Variants in PXDNL observed in about 807,000 individuals in gnomAD.
The protein encoded by PXDNL is peroxidasin like.
In PXDNL, 145 loss-of-function variants were observed where a neutral mutation model predicts 150.8. That is an observed-to-expected ratio of 0.96 (90% confidence interval 0.84 to 1.10). The LOEUF is 1.10. Among genes scored for constraint, PXDNL ranks in the 50% least tolerant of loss-of-function variants. PXDNL has a pLI of 0.00. For synonymous variants in PXDNL, 757 were observed against 725.7 expected (o/e 1.04, Z -0.69); for missense variants, 2,087 against 1,873.9 (o/e 1.11, Z -2.10).
chr8:51,652,459 ACAAACAC>A (rs1563496487), intron 2 of PXDNL, among the ~76,000 whole-genome samples: 1 of 149,714 alleles, frequency 6.7e-6, no homozygotes, highest in African/African-American at 2.5e-5. Context: ...ACACACACAC[ACAAACAC>A]ACACACACAC....
At chr8:51,538,122 A>G (rs187336178) in intron 4 of PXDNL, among the ~76,000 whole-genome samples, 3 of 152,346 alleles carry the variant, frequency 2.0e-5, no homozygotes, top group Admixed American at 6.5e-5. Flanking sequence ...TGAAATTGCA[A>G]TGCCCAAAAC....
At chr8:51,742,505 T>C (rs935068426) in intron 1 of PXDNL, among the ~76,000 whole-genome samples, 3 of 151,984 alleles carry the variant, frequency 2.0e-5, no homozygotes, top group Non-Finnish European at 4.4e-5. Context: ...GGATACCGAG[T>C]GACTGGTATA....
At chr8:51,561,476 A>G (rs1316922286) in intron 3 of PXDNL, among the ~76,000 whole-genome samples, 1 of 151,972 alleles carries the variant, frequency 6.6e-6, no homozygotes, top group Non-Finnish European at 1.5e-5. Flanking sequence ...GTTCAAGACC[A>G]GTCTGGAAAG....
At chr8:51,593,273 G>A (rs530979686) in intron 2 of PXDNL, among the ~76,000 whole-genome samples, 9 of 152,270 alleles carry the variant, frequency 5.9e-5, no homozygotes, top group South Asian at 2.1e-4. Context: ...AATTTGAACC[G>A]TAAAACAAGT....
chr8:51,542,574 C>T (rs1254187826), intron 4 of PXDNL, among the ~76,000 whole-genome samples: 7 of 151,236 alleles, frequency 4.6e-5, no homozygotes, highest in African/African-American at 1.5e-4. Context: ...TTTTGGAGGC[C>T]GAAGCAGATG....
chr8:51,509,187 T>A (rs1319655346), intron 4 of PXDNL, among the ~76,000 whole-genome samples: 2 of 152,188 alleles, frequency 1.3e-5, no homozygotes, highest in East Asian at 3.9e-4. Context: ...GTTAATTAGC[T>A]TGACTTGGCC....
At chr8:51,407,961 C>T (rs938929961) in intron 17 of PXDNL, 106 bp downstream of exon 17, 1 of 896,252 alleles carries the variant, frequency 1.1e-6, no homozygotes, top group African/African-American at 1.7e-5. Context: ...GTACTAAAAG[C>T]TCTGCAGCAC....
At chr8:51,371,450 T>A (rs990353647) in intron 19 of PXDNL, among the ~76,000 whole-genome samples, 32 of 152,202 alleles carry the variant, frequency 2.1e-4, no homozygotes, top group African/African-American at 7.7e-4. Context: ...TCCTTGTACT[T>A]CCAATGAGCA....
chr8:51,754,773 G>A (rs1053209113), intron 1 of PXDNL, among the ~76,000 whole-genome samples: 2 of 152,130 alleles, frequency 1.3e-5, no homozygotes, highest in African/African-American at 2.4e-5. Flanking sequence ...AAAGTGCTGG[G>A]ATTACAGGCA....
Position 51,463,794 on chromosome 8 carries a change from A to G in PXDNL, c.813-6127T>C, listed in dbSNP as rs1314954964. On this transcript the variant is annotated intron_variant, in intron 8 of 22. Coordinates refer to ENST00000356297, the MANE Select transcript of PXDNL (RefSeq NM_144651.5). ...GTAATAAAAATAAAAAATGAATACCAAGAATATCTCTCAAAATACGGAAAT... is the reference window on the plus strand; with the variant it reads ...GTAATAAAAATAAAAAATGAATACCGAGAATATCTCTCAAAATACGGAAAT... 2.0e-5 allele frequency among the ~76,000 whole-genome samples: 3 copies of G among 152,204 alleles called. No homozygotes were observed. In the East Asian group the frequency reaches 5.8e-4, roughly 29 times the overall value.
At chr8:51,799,215 A>C (rs13268128) in intron 1 of PXDNL, among the ~76,000 whole-genome samples, 108,291 of 151,976 alleles carry the variant, frequency 0.71, 43,483 homozygotes, top group Non-Finnish European at 0.9. Context: ...AGGAGGAGAA[A>C]AACACACACA....
chr8:51,569,467 TAA>T (rs1167244314), intron 3 of PXDNL, among the ~76,000 whole-genome samples: 3 of 151,900 alleles, frequency 2.0e-5, no homozygotes, highest in Non-Finnish European at 4.4e-5. Context: ...CATACAGAGA[TAA>T]ACACACATGA....
intron 19 of PXDNL, among the ~76,000 whole-genome samples, chr8:51,360,042 C>CAAA (rs1366137848): frequency 9.3e-5 from 8 of 85,600 alleles, no homozygotes; most frequent in African/African-American, 2.9e-4. Context: ...AAGAGAAAAG[C>CAAA]AAAAAAAAAA....
At chr8:51,642,078 C>T (rs368259755) in intron 2 of PXDNL, among the ~76,000 whole-genome samples, 1 of 151,830 alleles carries the variant, frequency 6.6e-6, no homozygotes, top group Non-Finnish European at 1.5e-5. Flanking sequence ...AAATTGGAAA[C>T]CATCATTCTC....
At chr8:51,342,565 C>T (rs1257207179) in intron 20 of PXDNL, among the ~76,000 whole-genome samples, 5 of 152,004 alleles carry the variant, frequency 3.3e-5, no homozygotes, top group African/African-American at 1.2e-4. Flanking sequence ...ATAAAATCCA[C>T]GATAGTCTCA....
At chr8:51,648,955 A>G (rs904161474) in intron 2 of PXDNL, among the ~76,000 whole-genome samples, 40 of 152,336 alleles carry the variant, frequency 2.6e-4, no homozygotes, top group African/African-American at 9.1e-4. Context: ...TAGAAATTCC[A>G]AATTTGATTT....
chr8:51,754,652 C>T (rs535147060), intron 1 of PXDNL, among the ~76,000 whole-genome samples: 81 of 152,132 alleles, frequency 5.3e-4, no homozygotes, highest in African/African-American at 1.8e-3. Context: ...TACAGGCGCC[C>T]GCCACCATGC....
chr8:51,758,487 T>G (rs2037126864), intron 1 of PXDNL, among the ~76,000 whole-genome samples: 1 of 152,228 alleles, frequency 6.6e-6, no homozygotes, highest in Non-Finnish European at 1.5e-5. Context: ...ATGGTTAAGC[T>G]TTGTGTCCCA....
chr8:51,490,649 T>C (rs1290644869), intron 5 of PXDNL, among the ~76,000 whole-genome samples: 1 of 149,640 alleles, frequency 6.7e-6, no homozygotes, highest in Non-Finnish European at 1.5e-5. Context: ...TATATATACA[T>C]ATATATACAC....
Sources: allele counts gnomAD v4.1 joint callset (sites outside exome capture counted in the v4.1 genomes callset), GRCh38; gene constraint gnomAD v4.1.1; transcripts MANE v1.5; gene names NCBI Gene and HGNC (gene_info 2026-07-23, HGNC 2026-07-21).